Variants in MATN2 observed in about 807,000 individuals in gnomAD.
MATN2 encodes the protein matrilin-2.
A neutral mutation model predicts 103.2 loss-of-function variants in MATN2; 69 were observed. The observed-to-expected ratio is 0.67, with a 90% confidence interval of 0.55 to 0.82. MATN2 has a LOEUF of 0.82. Among genes scored for constraint, MATN2 ranks in the 40% least tolerant of loss-of-function variants. MATN2 has a pLI of 0.00. For missense variants in MATN2, 1,023 were observed against 1,211.5 expected (o/e 0.84, Z 2.31); for synonymous variants, 429 against 450.2 (o/e 0.95, Z 0.60).
At chr8:97,983,759 C>T (rs1447812014) in intron 6 of MATN2, among the ~76,000 whole-genome samples, 1 of 152,154 alleles carries the variant, frequency 6.6e-6, no homozygotes, top group Non-Finnish European at 1.5e-5. Flanking sequence ...ATGCTTTGCA[C>T]AGAGTAAGGC....
intron 4 of MATN2, among the ~76,000 whole-genome samples, chr8:97,955,951 TTG>T (rs1274005717): frequency 2.0e-5 from 3 of 152,302 alleles, no homozygotes; most frequent in Non-Finnish European, 2.9e-5. Flanking sequence ...TGAGATGTCA[TTG>T]TGTTCTTGAT....
At chr8:98,018,163 G>C in intron 12 of MATN2, 47 bp downstream of exon 12, 4 of 1,607,902 alleles carry the variant, frequency 2.5e-6, no homozygotes, top group Non-Finnish European at 3.4e-6. Context: ...TGTGGACTCA[G>C]ACAGTTAGAG....
chr8:98,005,493 C>T lies in MATN2; in HGVS notation c.1328-1612C>T, dbSNP rs919241144. ...TCACCAGGGACATGGCTTGACTGCC[C>T]CTCCCAGCATGCTTCCGGGGGCCAG... On this transcript the variant is annotated intron_variant, in intron 8 of 18. Transcript: ENST00000254898. This position sits in a 1 kb window ranked among gnomAD's most constrained non-coding sequence, Gnocchi z 4.6. 6.6e-6 allele frequency among the ~76,000 whole-genome samples: 1 copy of T among 152,146 alleles called. No homozygotes were observed. The highest frequency in any genetic ancestry group is 1.5e-5 in the Non-Finnish European group (1 of 68,012).
In MATN2 at chr8:97,887,897, G is replaced by A. The variant is rs891149360; in HGVS notation, c.-26-178G>A. The A allele has an allele frequency of 1.1e-5, 6 of 541,302 alleles. No homozygotes were observed. In the African/African-American group the frequency reaches 1.2e-4, roughly 11 times the overall value. 33.5% of individuals were successfully genotyped at this position (541,302 alleles called of 1,614,324 possible). ...TGCATGCCCTGCTCGGAGCGTCCAA[G>A]AAGAGCCTACCAACGGGGGCTACTT... On this transcript the variant is annotated intron_variant, in intron 1 of 18. Coordinates refer to ENST00000254898, the MANE Select transcript of MATN2 (RefSeq NM_002380.5).
Position 98,026,687 on chromosome 8 carries a change from T to A in MATN2, c.1943-729T>A, listed in dbSNP as rs1409960403. On this transcript the variant is annotated intron_variant, in intron 13 of 18. Coordinates refer to ENST00000254898, the MANE Select transcript of MATN2 (RefSeq NM_002380.5). The stretch of plus-strand genomic sequence containing the variant: ...TTTTTTTGTGCCAAGTATTGGGGGG[T>A]GGGGCACAAAAATGAATGAAACACA... Among the ~76,000 whole-genome samples, 3 of 151,716 alleles carry A rather than the reference T, an allele frequency of 2.0e-5. 1 individual carries two copies. The South Asian group carries it at 6.3e-4, about 32-fold the overall frequency.
chr8:97,890,310 C>CA (rs1056921819), intron 2 of MATN2, among the ~76,000 whole-genome samples: 107 of 152,110 alleles, frequency 7.0e-4, no homozygotes, highest in African/African-American at 2.5e-3. Context: ...ACTAAAAATA[C>CA]AAAAATTAGC....
chr8:97,992,216 G>A (rs78231096), intron 6 of MATN2, among the ~76,000 whole-genome samples: 1 of 152,162 alleles, frequency 6.6e-6, no homozygotes, highest in South Asian at 2.1e-4. Context: ...AGGTCAGAGA[G>A]ATGACCAAGT....
Position 97,961,476 on chromosome 8 carries a change from G to T in MATN2, c.904G>T (p.Val302Phe). Residue 302 changes from valine to phenylalanine, a missense_variant, in exon 5 of 19, where the codon GTC becomes TTC. Coordinates refer to ENST00000254898, the MANE Select transcript of MATN2 (RefSeq NM_002380.5). ...CTGTGTGAATGTGCCGGGCTCCTTC[G>T]TCTGCCAGTGCTACAGTGGCTACGC... ...QLCVNVPGSF[V>F]CQCYSGYALA... 1 of 1,613,772 alleles carries T rather than the reference G, an allele frequency of 6.2e-7. No individual in the cohort carries two copies. Among genetic ancestry groups the T allele is most frequent in the African/African-American group, 1.3e-5 (1 of 75,020 alleles).
At chr8:97,877,006 C>CT (rs33986645) in intron 1 of MATN2, among the ~76,000 whole-genome samples, 80 of 117,152 alleles carry the variant, frequency 6.8e-4, no homozygotes, top group East Asian at 2.3e-3. Flanking sequence ...ATTCACACTT[C>CT]TTTTTTTTTT....
chr8:97,942,401 A>G (rs1586072330), intron 4 of MATN2, among the ~76,000 whole-genome samples: 1 of 152,188 alleles, frequency 6.6e-6, no homozygotes, highest in South Asian at 2.1e-4. Flanking sequence ...CTAGATTTTA[A>G]AAAGGGGGTA....
chr8:97,971,888 T>C, intron 5 of MATN2, among the ~76,000 whole-genome samples: 1 of 117,830 alleles, frequency 8.5e-6, no homozygotes, highest in East Asian at 2.2e-4. Context: ...TAAAGTCATT[T>C]TTGCTTATTA....
At chr8:98,015,091 A>G (rs1260597432) in intron 10 of MATN2, among the ~76,000 whole-genome samples, 4 of 152,198 alleles carry the variant, frequency 2.6e-5, no homozygotes, top group African/African-American at 7.2e-5. Context: ...TGGCAATGCC[A>G]TCCTTCAGTT....
intron 8 of MATN2, among the ~76,000 whole-genome samples, chr8:98,006,807 A>G (rs927027278): frequency 6.6e-6 from 1 of 152,190 alleles, no homozygotes; most frequent in Non-Finnish European, 1.5e-5. Context: ...AAGGCTGGGC[A>G]TGGTGTCAGG....
At chr8:97,991,170 C>T (rs1176353806) in intron 6 of MATN2, among the ~76,000 whole-genome samples, 1 of 152,226 alleles carries the variant, frequency 6.6e-6, no homozygotes, top group African/African-American at 2.4e-5. Context: ...TCATACAATA[C>T]AGTAGTCAGG....
intron 1 of MATN2, among the ~76,000 whole-genome samples, chr8:97,877,701 G>A (rs1818122902): frequency 6.6e-6 from 1 of 152,098 alleles, no homozygotes; most frequent in Non-Finnish European, 1.5e-5. Flanking sequence ...AATTCAGGAA[G>A]GGAAGATTGT....
At chr8:97,894,934 G>A (rs1467995399) in intron 2 of MATN2, among the ~76,000 whole-genome samples, 8 of 151,636 alleles carry the variant, frequency 5.3e-5, no homozygotes, top group African/African-American at 1.9e-4. Flanking sequence ...GTGCAGTGGC[G>A]TGATCTTGGC....
At chr8:97,872,444 A>G (rs558433009) in intron 1 of MATN2, among the ~76,000 whole-genome samples, 17 of 152,352 alleles carry the variant, frequency 1.1e-4, no homozygotes, top group Admixed American at 1.1e-3. Context: ...TATTGCTGCT[A>G]TAACAAATTT....
chr8:97,981,109 T>A (rs765699218), intron 6 of MATN2, among the ~76,000 whole-genome samples: 25 of 150,404 alleles, frequency 1.7e-4, no homozygotes, highest in Non-Finnish European at 2.5e-4. Context: ...TAGTTGGGCC[T>A]GGGAGGTTGG....
intron 2 of MATN2, among the ~76,000 whole-genome samples, chr8:97,919,260 C>T (rs749992847): frequency 3.3e-5 from 5 of 152,150 alleles, no homozygotes; most frequent in Admixed American, 2.0e-4. Flanking sequence ...GATTCTGATT[C>T]CCTGGGTCTA....
Sources: allele counts gnomAD v4.1 joint callset (sites outside exome capture counted in the v4.1 genomes callset), GRCh38; gene constraint gnomAD v4.1.1; non-coding constraint Gnocchi (gnomAD v3.1); transcripts MANE v1.5; gene names NCBI Gene and HGNC (gene_info 2026-07-23, HGNC 2026-07-21).